Variants in NCOA5 observed in about 807,000 individuals in gnomAD.
NCOA5 encodes nuclear receptor coactivator 5.
In NCOA5, 12 loss-of-function variants were observed where a neutral mutation model predicts 59.0. The ratio of observed to expected loss-of-function variants is 0.20; its 90% CI spans 0.13 to 0.33. The LOEUF (loss-of-function observed/expected upper bound fraction) is 0.33. Ranked by LOEUF, NCOA5 falls within the 10% of genes least tolerant of loss-of-function variation. The pLI is 1.00. For synonymous variants in NCOA5, 270 were observed against 275.5 expected (o/e 0.98, Z 0.20); for missense variants, 655 against 766.6 (o/e 0.85, Z 1.72).
At chr20:46,088,295 G>A (rs2085064959) in intron 1 of NCOA5, among the ~76,000 whole-genome samples, 1 of 152,182 alleles carries the variant, frequency 6.6e-6, no homozygotes, top group African/African-American at 2.4e-5. Flanking sequence ...GTGTTTCTAA[G>A]TTTTAGGTTA....
intron 6 of NCOA5, among the ~76,000 whole-genome samples, chr20:46,064,777 A>T (rs1483189960): frequency 1.3e-5 from 2 of 152,182 alleles, no homozygotes; most frequent in African/African-American, 2.4e-5. Flanking sequence ...CCACACTGGA[A>T]CTTGTTGTTA....
intron 1 of NCOA5, among the ~76,000 whole-genome samples, chr20:46,089,401 C>A (rs912300806): frequency 6.6e-6 from 1 of 152,362 alleles, no homozygotes; most frequent in South Asian, 2.1e-4. Flanking sequence ...ACGCCTTGGG[C>A]CCGGTTCGAA....
intron 1 of NCOA5, among the ~76,000 whole-genome samples, chr20:46,089,172 C>T (rs980780022): frequency 1.3e-5 from 2 of 152,174 alleles, no homozygotes; most frequent in African/African-American, 4.8e-5. Context: ...CTTGGAAAGC[C>T]GGCCGGATCG....
At chr20:46,085,660 G>A (rs544581309) in intron 1 of NCOA5, among the ~76,000 whole-genome samples, 2 of 152,226 alleles carry the variant, frequency 1.3e-5, no homozygotes, top group South Asian at 4.1e-4. Flanking sequence ...AAAAACTACA[G>A]GAAGTTTGGT....
chr20:46,085,765 C>A (rs1950174), intron 1 of NCOA5, among the ~76,000 whole-genome samples: 28,523 of 151,942 alleles, frequency 0.19, 2,850 homozygotes, highest in South Asian at 0.29. Flanking sequence ...TTGCTATGGA[C>A]AAGGAAGAAT....
intron 1 of NCOA5, among the ~76,000 whole-genome samples, chr20:46,084,272 C>A (rs751746449): frequency 6.6e-6 from 1 of 152,126 alleles, no homozygotes; most frequent in Non-Finnish European, 1.5e-5. Context: ...AGACTCAGAC[C>A]CAGGTCTTTC....
In NCOA5 at chr20:46,062,106, C is replaced by T. The variant is rs1056256090; in HGVS notation, c.*194G>A. ...ACAAAAAACAAAAAAAGATACAGCCCCAAATGCAGTATAAACTTTGTAAGG... is the reference window on the plus strand; with the variant it reads ...ACAAAAAACAAAAAAAGATACAGCCTCAAATGCAGTATAAACTTTGTAAGG... On this transcript the variant is annotated 3_prime_UTR_variant, in exon 8 of 8. Coordinates refer to ENST00000290231, the MANE Select transcript of NCOA5 (RefSeq NM_020967.3). The T allele has an allele frequency of 5.8e-6, 3 of 514,330 alleles. No homozygotes were observed. The highest frequency in any genetic ancestry group is 3.8e-5 in the African/African-American group (2 of 52,760). The allele number at this position is 514,330 out of a possible 1,614,324, so 31.9% of individuals were successfully genotyped here.
intron 2 of NCOA5, among the ~76,000 whole-genome samples, chr20:46,078,129 T>C (rs2084957242): frequency 6.6e-6 from 1 of 152,236 alleles, no homozygotes; most frequent in South Asian, 2.1e-4. Flanking sequence ...GATTCAACTC[T>C]GCTGCACAGG....
chr20:46,063,283 GAC>G, intron 7 of NCOA5, 75 bp downstream of exon 7: 2 of 1,481,746 alleles, frequency 1.3e-6, no homozygotes, highest in Non-Finnish European at 1.8e-6. Flanking sequence ...CCCTGGGCCT[GAC>G]ACCCTCCCAA....
chr20:46,079,824 G>A (rs993726230), intron 1 of NCOA5, among the ~76,000 whole-genome samples: 4 of 152,078 alleles, frequency 2.6e-5, no homozygotes, highest in East Asian at 1.9e-4. Context: ...GGAAGAAAGT[G>A]GGGGGGAAGA....
chr20:46,086,318 T>A (rs745990226), intron 1 of NCOA5, among the ~76,000 whole-genome samples: 1 of 152,258 alleles, frequency 6.6e-6, no homozygotes, highest in Non-Finnish European at 1.5e-5. Flanking sequence ...TGAGGTGAAC[T>A]ATTTCCTTAA....
intron 6 of NCOA5, among the ~76,000 whole-genome samples, chr20:46,064,674 TC>T (rs1445589334): frequency 6.6e-6 from 1 of 152,180 alleles, no homozygotes; most frequent in Non-Finnish European, 1.5e-5. Context: ...TTTCCAACTC[TC>T]CCTTCAGTGA....
chr20:46,062,808 C>T lies in NCOA5; in HGVS notation c.1232G>A (p.Gly411Asp). 5 of 1,570,338 alleles carry T rather than the reference C, an allele frequency of 3.2e-6. No homozygotes were observed. Among genetic ancestry groups the T allele is most frequent in the Non-Finnish European group, 4.3e-6 (5 of 1,156,550 alleles). ...GGGTGTAGCAGAGGGGAGCACTTGG[C>T]CGCTCTGGAGCGGTTGGGAGCTTGG... The part of the protein sequence containing the change: ...TQPSSQPLQS[G>D]QVLPSATPTP... The change falls in exon 8 of 8, where the codon GGC (glycine) becomes GAC (aspartate). Residue 411 changes from glycine to aspartate, a missense_variant. This residue lies in a region of NCOA5 where 325 missense variants were observed against 353.2 expected (regional missense o/e 0.92). Transcript: ENST00000290231.
At chr20:46,062,926 A>AC (rs1568875307) in intron 7 of NCOA5, 37 bp from the exon 8 acceptor site, 1 of 1,491,752 alleles carries the variant, frequency 6.7e-7, no homozygotes, top group Non-Finnish European at 8.9e-7. Context: ...GGTTCAAAGT[A>AC]CCCCCCAAGG....
rs534183568 is a variant in NCOA5, at chr20:46,076,963, T to G, written c.38+2424A>C. Among the ~76,000 whole-genome samples, 6 of 152,314 alleles carry G rather than the reference T, an allele frequency of 3.9e-5. No individual in the cohort carries two copies. In the East Asian group the frequency reaches 1.2e-3, roughly 29 times the overall value. On this transcript the variant is annotated intron_variant, in intron 2 of 7. Transcript: ENST00000290231. ...CAGGGACTCACTCTGTTGCCCAGGCTGAAGTGCAGTGGTGTGATCACGGCT... is the reference window on the plus strand; with the variant it reads ...CAGGGACTCACTCTGTTGCCCAGGCGGAAGTGCAGTGGTGTGATCACGGCT...
At chr20:46,068,348 T>C (rs1176657643) in intron 4 of NCOA5, among the ~76,000 whole-genome samples, 154 bp downstream of exon 4, 1 of 152,258 alleles carries the variant, frequency 6.6e-6, no homozygotes, top group East Asian at 1.9e-4. Flanking sequence ...AAATGCTCTT[T>C]ACCCACTAAT....
chr20:46,073,715 T>C (rs993660700), intron 2 of NCOA5, among the ~76,000 whole-genome samples: 8 of 152,048 alleles, frequency 5.3e-5, no homozygotes, highest in African/African-American at 1.7e-4. Flanking sequence ...GAAATCGGGG[T>C]GGGGCATGTC....
intron 2 of NCOA5, among the ~76,000 whole-genome samples, chr20:46,074,114 G>A (rs754358693): frequency 1.3e-5 from 2 of 152,180 alleles, no homozygotes; most frequent in Non-Finnish European, 2.9e-5. Flanking sequence ...CACTATGGTA[G>A]ACTGCTGTTC....
In NCOA5 at chr20:46,066,455, G is replaced by A. The variant is rs185226107; in HGVS notation, c.629+600C>T. 3.4e-3 allele frequency among the ~76,000 whole-genome samples: 511 copies of A among 152,214 alleles called. 3 individuals are homozygous for A. The highest frequency in any genetic ancestry group is 0.025 in the South Asian group (120 of 4,826). On this transcript the variant is annotated intron_variant, in intron 5 of 7. Transcript: ENST00000290231. ...GTATATACTACTCTGCTTGACCAGC[G>A]GCTACACCCTCTTCCACTCTCAGTC...
Sources: allele counts gnomAD v4.1 joint callset (sites outside exome capture counted in the v4.1 genomes callset), GRCh38; gene constraint gnomAD v4.1.1; regional missense constraint gnomAD v4.1.1; transcripts MANE v1.5; gene names NCBI Gene and HGNC (gene_info 2026-07-23, HGNC 2026-07-21).